The following ODAD1 variants were observed in gnomAD, a reference collection of about 807,000 sequenced individuals.
ODAD1 encodes outer dynein arm-docking complex subunit 1.
In ODAD1, 49 loss-of-function variants were observed where a neutral mutation model predicts 67.2. That is an observed-to-expected ratio of 0.73 (90% CI 0.58 to 0.92). The LOEUF is 0.92. Among genes scored for constraint, ODAD1 ranks in the 40% least tolerant of loss-of-function variants. The pLI is 0.00. For synonymous variants in ODAD1, 345 were observed against 393.7 expected (o/e 0.88, Z 1.46); for missense variants, 897 against 953.7 (o/e 0.94, Z 0.78).
Position 48,296,986 on chromosome 19 carries a change from G to C in ODAD1, c.2114C>G (p.Ser705Cys). The stretch of plus-strand genomic sequence containing the variant: ...TGCGTGCCCCTCGTGTTAGCCCCGG[G>C]AGTCTTTGCTGGTGGAGGAGCCCGG... Reference protein sequence around the residue: ...TGPGSSTSKDSRG With the variant: ...TGPGSSTSKDCRG The change falls in exon 16 of 16, where the codon TCC becomes TGC. Residue 705 changes from serine (S) to cysteine (C), a missense_variant. Physicochemically the swap from Ser to Cys is moderately radical, Grantham distance 112. Transcript: ENST00000674294. The C allele has an allele frequency of 4.4e-6, 7 of 1,602,168 alleles. No individual in the cohort carries two copies. Among genetic ancestry groups the C allele is most frequent in the South Asian group, 2.2e-5 (2 of 90,062 alleles).
At position 48,312,092 on chromosome 19, in the gene ODAD1, A is replaced by G; in HGVS notation, c.385T>C (p.Phe129Leu). The change falls in exon 6 of 16, where the codon TTT (phenylalanine) becomes CTT (leucine). Residue 129 changes from phenylalanine to leucine, a missense_variant. Phe to Leu is a conservative substitution (Grantham distance 22). Transcript: ENST00000674294. ...KQIQEWETRIFTHSKNVRSPG... is the reference protein window; with the variant it reads ...KQIQEWETRILTHSKNVRSPG... ...GACCTGACATTCTTACTGTGGGTAA[A>G]GATCCGCGTCTCCCACTCCTGGATC... is the stretch of plus-strand genomic sequence containing the variant. 6.4e-7 allele frequency: 1 copy of G among 1,551,316 alleles called. No homozygotes were observed. Among genetic ancestry groups the G allele is most frequent in the South Asian group, 1.2e-5 (1 of 84,038 alleles).
chr19:48,302,089 T>C (rs1047985090), intron 12 of ODAD1, among the ~76,000 whole-genome samples: 14 of 142,692 alleles, frequency 9.8e-5, no homozygotes, highest in African/African-American at 3.7e-4. Flanking sequence ...GATGGATGGG[T>C]GGATGAATGG....
intron 5 of ODAD1, among the ~76,000 whole-genome samples, chr19:48,314,833 C>T (rs1367571692): frequency 1.3e-5 from 2 of 151,874 alleles, no homozygotes; most frequent in Non-Finnish European, 2.9e-5. Context: ...CCCAGCTACT[C>T]GGGTGGCTGA....
At chr19:48,303,132 G>A (rs369221427) in intron 10 of ODAD1, 37 bp from the exon 11 acceptor site, 17 of 1,466,544 alleles carry the variant, frequency 1.2e-5, no homozygotes, top group Non-Finnish European at 1.4e-5. Flanking sequence ...CAGAGAGAGG[G>A]AGACAGAGAA....
intron 5 of ODAD1, among the ~76,000 whole-genome samples, chr19:48,316,980 G>C (rs1211715729): frequency 6.6e-6 from 1 of 152,148 alleles, no homozygotes; most frequent in Admixed American, 6.5e-5. Flanking sequence ...TCCAGCCTGG[G>C]TGACAGAGCG....
rs1033138932 is a variant in ODAD1, at chr19:48,298,039, A to G, written c.1463T>C (p.Leu488Pro). ...LLVLGQSLED[L>P]PKKMAPLQPP... is the part of the protein sequence containing the mutation. ...CTGAAGTGGGGCCATCTTCTTCGGA[A>G]GGTCCTCCAGGCTCTGGCCCAGCAC... is the stretch of plus-strand genomic sequence containing the variant. The change falls in exon 14 of 16, where the codon CTT becomes CCT. Residue 488 changes from leucine (L) to proline (P), a missense_variant. Physicochemically the swap from Leu to Pro is moderately conservative, Grantham distance 98. Transcript: ENST00000674294. 41 of 1,613,250 alleles carry G rather than the reference A, an allele frequency of 2.5e-5. No homozygotes were observed. Among genetic ancestry groups the G allele is most frequent in the Non-Finnish European group, 3.4e-5 (40 of 1,179,752 alleles).
In ODAD1 at chr19:48,298,077, G is replaced by A. The variant is rs150259992; in HGVS notation, c.1425C>T (p.Asp475=). 1,164 of 1,613,242 alleles carry A rather than the reference G, an allele frequency of 7.2e-4. 7 individuals carry two copies. Among genetic ancestry groups the A allele is most frequent in the East Asian group, 5.4e-4 (24 of 44,852 alleles). The change falls in exon 14 of 16, where the codon GAC becomes GAT. Residue 475 remains aspartate, a synonymous_variant. Coordinates refer to ENST00000674294, the MANE Select transcript of ODAD1 (RefSeq NM_001364171.2). ...LHAQSFTSLA[D]AALLVLGQSL... ...TCTGGCCCAGCACTAGGAGGGCAGC[G>A]TCGGCCAGGGAGGTGAAGCTCTGGA...
In ODAD1 at chr19:48,318,495, A is replaced by G. The variant is rs1466416197; in HGVS notation, c.252T>C (p.Leu84=). 6.4e-7 allele frequency: 1 copy of G among 1,551,538 alleles called. No individual in the cohort carries two copies. The highest frequency in any genetic ancestry group is 2.4e-5 in the East Asian group (1 of 40,908). Residue 84 remains leucine (L), a synonymous_variant, in exon 5 of 16, where the codon CTT becomes CTC. Coordinates refer to ENST00000674294, the MANE Select transcript of ODAD1 (RefSeq NM_001364171.2). The part of the protein sequence containing the change: ...ISAAQNQVKR[L]RDSQRLENMD... ...TGTTCTCCAGCCGCTGACTGTCCCG[A>G]AGCCGCTTGACCTGGTTCTGGGCTG...
chr19:48,297,750 G>A (rs1968342296), intron 14 of ODAD1, 82 bp from the exon 15 acceptor site: 6 of 1,217,708 alleles, frequency 4.9e-6, no homozygotes, highest in Non-Finnish European at 6.7e-6. Flanking sequence ...AACCCCGGGA[G>A]CCTCAGCCAT....
Position 48,296,804 on chromosome 19 carries a change from C to T in ODAD1, c.*172G>A. On this transcript the variant is annotated 3_prime_UTR_variant, in exon 16 of 16. Transcript: ENST00000674294. The stretch of plus-strand genomic sequence containing the variant: ...GAGCAGAGAGAAAGGAACCGGGAGA[C>T]ACAGGTGAGGCGGTGATGAAGGGCA... 3 of 1,422,430 alleles carry T rather than the reference C, an allele frequency of 2.1e-6. No individual in the cohort carries two copies. Among genetic ancestry groups the T allele is most frequent in the African/African-American group, 1.4e-5 (1 of 69,346 alleles). 88.1% of individuals were successfully genotyped at this position (1,422,430 alleles called of 1,614,324 possible). A position where few individuals can be genotyped will look rare whatever the true frequency, so the allele number is the denominator to read the frequency against.
intron 5 of ODAD1, among the ~76,000 whole-genome samples, chr19:48,315,210 A>G (rs1968866480): frequency 6.6e-6 from 1 of 151,920 alleles, no homozygotes; most frequent in Non-Finnish European, 1.5e-5. Flanking sequence ...TAATTGCTTT[A>G]TGAAAGAAGA....
chr19:48,319,248 C>A (rs156673), intron 3 of ODAD1, among the ~76,000 whole-genome samples: 27,051 of 151,858 alleles, frequency 0.18, 2,504 homozygotes, highest in Middle Eastern at 0.23. Context: ...TCACCCCAAC[C>A]TTTCTCTCAA....
rs7252988 is a variant in ODAD1, at chr19:48,297,081, A to T, written c.2019T>A (p.Ser673=). 7 of 1,613,454 alleles carry T rather than the reference A, an allele frequency of 4.3e-6. No homozygotes were observed. Among genetic ancestry groups the T allele is most frequent in the African/African-American group, 1.3e-5 (1 of 74,936 alleles). Residue 673 remains serine, a synonymous_variant, in exon 16 of 16, where the codon TCT becomes TCA. Coordinates refer to ENST00000674294, the MANE Select transcript of ODAD1 (RefSeq NM_001364171.2). The part of the protein sequence containing the change: ...EGGVESGGTA[S]DSSGGLGSSR... Reference sequence around the variant, plus strand: ...TGGACCCGAGGCCTCCGCTCGAATCAGACGCTGTGCCTCCGCTCTCCACAC... The same window carrying T: ...TGGACCCGAGGCCTCCGCTCGAATCTGACGCTGTGCCTCCGCTCTCCACAC...
rs1010165680 is a variant in ODAD1 at position 48,321,699 on chromosome 19, A to G, written c.-85T>C. 2 of 395,256 alleles carry G rather than the reference A, an allele frequency of 5.1e-6. No homozygotes were observed. The highest frequency in any genetic ancestry group is 8.9e-6 in the Non-Finnish European group (2 of 224,040). The allele number at this position is 395,256 out of a possible 1,614,324, so 24.5% of individuals were successfully genotyped here. On this transcript the variant is annotated 5_prime_UTR_variant, in exon 1 of 16. Coordinates refer to ENST00000674294, the MANE Select transcript of ODAD1 (RefSeq NM_001364171.2). ...GTACCGCGGGCCTGGAAGCGGCGGG[A>G]GTTGAAAGAGCCTGCGGTGACCTGT...
intron 12 of ODAD1, among the ~76,000 whole-genome samples, chr19:48,299,302 T>G (rs1968393881): frequency 6.6e-6 from 1 of 152,102 alleles, no homozygotes. Context: ...TCCCAGTTAC[T>G]GGAGAGGCTG....
intron 10 of ODAD1, chr19:48,303,397 CAG>C (rs1033662475): frequency 3.3e-6 from 2 of 603,810 alleles, no homozygotes; most frequent in Non-Finnish European, 5.9e-6. Flanking sequence ...AGGAGAGAAA[CAG>C]AGAGGGACAG....
chr19:48,320,323 T>C lies in ODAD1; in HGVS notation c.46A>G (p.Ser16Gly). Residue 16 changes from serine to glycine, a missense_variant, in exon 3 of 16, where the codon AGC (serine) becomes GGC (glycine). Transcript: ENST00000674294. ...LAGSARSEEGSEAFLEGMVDW... is the reference protein window; with the variant it reads ...LAGSARSEEGGEAFLEGMVDW... ...CCCATTCCCTCCAGAAATGCCTCGCTTCCCTCCTCGGAGCGGGCGCTCCCT... is the reference window on the plus strand; with the variant it reads ...CCCATTCCCTCCAGAAATGCCTCGCCTCCCTCCTCGGAGCGGGCGCTCCCT... 7.8e-7 allele frequency: 1 copy of C among 1,289,104 alleles called. No homozygotes were observed. 79.9% of individuals were successfully genotyped at this position (1,289,104 alleles called of 1,614,324 possible).
chr19:48,304,413 G>A (rs1487444882), intron 8 of ODAD1, among the ~76,000 whole-genome samples: 2 of 152,178 alleles, frequency 1.3e-5, no homozygotes, highest in Non-Finnish European at 2.9e-5. Context: ...GCAGTCAGGA[G>A]TTTGAAACCA....
chr19:48,305,618 C>A (rs961150623), intron 8 of ODAD1, among the ~76,000 whole-genome samples: 9 of 151,974 alleles, frequency 5.9e-5, no homozygotes, highest in African/African-American at 2.2e-4. Context: ...GTTGGCCAGG[C>A]TGGTCTCGAA....
Sources: gnomAD v4.1 joint callset for allele counts (sites outside exome capture counted in the v4.1 genomes callset) on GRCh38, gnomAD v4.1.1 for gene constraint, MANE v1.5 for transcripts, NCBI Gene and HGNC (gene_info 2026-07-23, HGNC 2026-07-21) for gene names.